The following SLC24A2 variants were observed in gnomAD, a reference collection of about 807,000 sequenced individuals.
SLC24A2 encodes the protein sodium/potassium/calcium exchanger 2.
SLC24A2 carries 36 observed loss-of-function variants against 62.0 expected under a neutral mutation model. The observed-to-expected ratio is 0.58, with a 90% CI of 0.44 to 0.77. The LOEUF is 0.77. Ranked by LOEUF, SLC24A2 falls within the 30% of genes least tolerant of loss-of-function variation. The pLI is 0.00. For synonymous variants in SLC24A2, 358 were observed against 294.0 expected (o/e 1.22, Z -2.23); for missense variants, 846 against 817.9 (o/e 1.03, Z -0.42).
chr9:20,252,455 T>G, the SLC24A2 span, among the ~76,000 whole-genome samples: 20 of 152,180 alleles, frequency 1.3e-4, no homozygotes, highest in African/African-American at 4.8e-4. Context: ...TGCCATGCTT[T>G]TTGACACTTA....
chr9:19,529,878 T>C (rs1446990376), intron 8 of SLC24A2, among the ~76,000 whole-genome samples: 5 of 151,318 alleles, frequency 3.3e-5, no homozygotes, highest in African/African-American at 1.2e-4. Context: ...GCCTCCTGAG[T>C]AGCTGGAATT....
intron 2 of SLC24A2, among the ~76,000 whole-genome samples, chr9:19,640,771 C>T (rs1246378912): frequency 1.3e-5 from 2 of 152,238 alleles, no homozygotes; most frequent in East Asian, 3.9e-4. Flanking sequence ...GAATAAGCAG[C>T]TGGTTCATGA....
chr9:20,224,668 G>T, the SLC24A2 span, among the ~76,000 whole-genome samples: 8 of 151,728 alleles, frequency 5.3e-5, no homozygotes, highest in East Asian at 1.2e-3. Context: ...AGAGAAGAGG[G>T]GAGGGGAGGA....
intron 2 of SLC24A2, among the ~76,000 whole-genome samples, chr9:19,636,299 CTTTTCTTTTCTTTTCT>C (rs1818318632): frequency 2.4e-5 from 1 of 41,904 alleles, no homozygotes; most frequent in Non-Finnish European, 4.7e-5. Context: ...CTTTTCTTTT[CTTTTCTTTTCTTTTCT>C]TTTCTTTCTT....
the SLC24A2 span, among the ~76,000 whole-genome samples, chr9:20,190,799 A>G: frequency 6.6e-6 from 1 of 152,212 alleles, no homozygotes; most frequent in African/African-American, 2.4e-5. Context: ...ACTTCGGGAA[A>G]ATTATGTAAA....
chr9:20,176,075 C>T, the SLC24A2 span, among the ~76,000 whole-genome samples: 4 of 151,938 alleles, frequency 2.6e-5, no homozygotes, highest in East Asian at 1.9e-4. Context: ...TCCATGAAAC[C>T]GTAACAACAC....
intron 2 of SLC24A2, among the ~76,000 whole-genome samples, chr9:19,691,393 C>G (rs954746649): frequency 1.3e-5 from 2 of 152,060 alleles, no homozygotes; most frequent in African/African-American, 4.8e-5. Flanking sequence ...AAGAGGCTAT[C>G]AGAAAATGAA....
intron 7 of SLC24A2, among the ~76,000 whole-genome samples, chr9:19,564,192 AAATTT>A (rs1346614856): frequency 4.0e-5 from 6 of 150,584 alleles, no homozygotes; most frequent in African/African-American, 7.4e-5. Context: ...TCAGAGAACT[AAATTT>A]AATAGTAGGA....
the SLC24A2 span, among the ~76,000 whole-genome samples, chr9:19,805,520 A>G: frequency 2.6e-5 from 4 of 152,194 alleles, no homozygotes; most frequent in African/African-American, 7.2e-5. Context: ...CTGTTGGACT[A>G]TGCTCTGTCA....
intron 8 of SLC24A2, among the ~76,000 whole-genome samples, chr9:19,532,197 C>T (rs1012782670): frequency 1.3e-5 from 2 of 152,114 alleles, no homozygotes; most frequent in South Asian, 2.1e-4. Context: ...TTTCTCCTAC[C>T]TCAGCCTCCT....
Position 19,516,415 on chromosome 9 carries a change from G to C in SLC24A2, c.1737-13C>G, listed in dbSNP as rs187653379. 355 of 1,613,180 alleles carry C rather than the reference G, an allele frequency of 2.2e-4. 5 individuals are homozygous for C. In the East Asian group the frequency reaches 7.5e-3, roughly 34 times the overall value. ...GGGCAGTGGGAGCCTGTGCAGAAGT[G>C]AAGCAGGGCAGAGGGGAGTGGGAAG... On this transcript the variant is annotated splice_polypyrimidine_tract_variant and intron_variant, in intron 10 of 10. Coordinates refer to ENST00000341998, the MANE Select transcript of SLC24A2 (RefSeq NM_020344.4).
chr9:19,697,484 C>T (rs1477400294), intron 2 of SLC24A2, among the ~76,000 whole-genome samples: 4 of 152,122 alleles, frequency 2.6e-5, no homozygotes, highest in Non-Finnish European at 5.9e-5. Flanking sequence ...CTATTTTGTT[C>T]TAACCAGAGA....
intron 2 of SLC24A2, among the ~76,000 whole-genome samples, chr9:19,770,543 T>C (rs1415028290): frequency 6.6e-6 from 1 of 152,188 alleles, no homozygotes; most frequent in African/African-American, 2.4e-5. Flanking sequence ...GCTCAGATAG[T>C]GATCCATTCC....
the SLC24A2 span, among the ~76,000 whole-genome samples, chr9:20,266,027 T>A: frequency 6.6e-6 from 1 of 152,146 alleles, no homozygotes; most frequent in Admixed American, 6.5e-5. Flanking sequence ...TCAAACCCTG[T>A]CTCCTGGTAA....
chr9:19,619,452 C>T, intron 4 of SLC24A2, 132 bp downstream of exon 4: 1 of 798,606 alleles, frequency 1.3e-6, no homozygotes, highest in Non-Finnish European at 2.3e-6. Context: ...GCCAGGGCTG[C>T]TTCTGGCAGA....
chr9:20,288,945 C>A, the SLC24A2 span, among the ~76,000 whole-genome samples: 9 of 152,048 alleles, frequency 5.9e-5, no homozygotes, highest in Non-Finnish European at 1.3e-4. Context: ...AATGTCTCAA[C>A]TGACAGCCGG....
chr9:19,779,895 T>TAA (rs11463316), intron 2 of SLC24A2, among the ~76,000 whole-genome samples: 127 of 151,634 alleles, frequency 8.4e-4, no homozygotes, highest in Non-Finnish European at 1.4e-3. Flanking sequence ...CCGTCTCTAG[T>TAA]AAAAAAAGTA....
chr9:20,296,719 G>A, the SLC24A2 span, among the ~76,000 whole-genome samples: 1 of 152,162 alleles, frequency 6.6e-6, no homozygotes, highest in South Asian at 2.1e-4. Context: ...TGCCCATCAT[G>A]GTATTTCAGA....
chr9:19,619,337 T>C (rs1412699728), intron 4 of SLC24A2, among the ~76,000 whole-genome samples: 1 of 152,254 alleles, frequency 6.6e-6, no homozygotes, highest in Non-Finnish European at 1.5e-5. Flanking sequence ...ATATTTATGC[T>C]GGAGGCATCA....
Sources: gnomAD v4.1 joint callset for allele counts (sites outside exome capture counted in the v4.1 genomes callset) on GRCh38, gnomAD v4.1.1 for gene constraint, MANE v1.5 for transcripts, NCBI Gene and HGNC (gene_info 2026-07-23, HGNC 2026-07-21) for gene names.